The following LYST variants were observed in gnomAD, a reference collection of about 807,000 sequenced individuals.
LYST encodes the protein lysosomal-trafficking regulator.
A neutral mutation model predicts 413.6 loss-of-function variants in LYST; 192 were observed. The ratio of observed to expected loss-of-function variants is 0.46; its 90% CI spans 0.41 to 0.52. The LOEUF (loss-of-function observed/expected upper bound fraction) is 0.52, where lower values mean the gene tolerates loss of function less well. Among genes scored for constraint, LYST ranks in the 20% least tolerant of loss-of-function variants. The probability of loss-of-function intolerance (pLI) is 0.00; values close to 1 mark genes in which losing one functional copy is unlikely to be tolerated. For missense variants in LYST, 3,815 were observed against 4,499.9 expected (o/e 0.85, Z 4.35); for synonymous variants, 1,525 against 1,567.3 (o/e 0.97, Z 0.64).
chr1:235,823,379 C>T (rs1004372247), intron 3 of LYST, among the ~76,000 whole-genome samples: 1 of 152,146 alleles, frequency 6.6e-6, no homozygotes, highest in African/African-American at 2.4e-5. Context: ...TAAATTAATG[C>T]TCATTTATTA....
chr1:235,757,579 A>C, intron 23 of LYST, 121 bp from the exon 24 acceptor site: 1 of 751,150 alleles, frequency 1.3e-6, no homozygotes, highest in Admixed American at 2.1e-5. Flanking sequence ...ATAATGCTTA[A>C]GAAATGTTTC....
rs555525346 is a variant in LYST at position 235,880,490 on chromosome 1, C to T, written n.454+2697G>A. ...TAACAGTGACTAAACACATCTTTGC[C>T]ACACCTAATATGTACAGCAAACCAG... On this transcript the variant is annotated intron_variant and non_coding_transcript_variant, in intron 1 of 11. Coordinates refer to the LYST transcript ENST00000465349. Among the ~76,000 whole-genome samples, 3 of 152,298 alleles carry T rather than the reference C, an allele frequency of 2.0e-5. No individual in the cohort carries two copies. In the South Asian group the frequency reaches 6.2e-4, roughly 32 times the overall value.
chr1:235,860,440 T>C (rs921240586), intron 1 of LYST, among the ~76,000 whole-genome samples: 1 of 152,212 alleles, frequency 6.6e-6, no homozygotes, highest in African/African-American at 2.4e-5. Flanking sequence ...AACATGTAGC[T>C]ACCACTGTAG....
At chr1:235,704,398 C>G (rs1027457228) in intron 44 of LYST, among the ~76,000 whole-genome samples, 1 of 152,164 alleles carries the variant, frequency 6.6e-6, no homozygotes, top group African/African-American at 2.4e-5. Flanking sequence ...TCCCTTTTCT[C>G]CAGAACCTCG....
chr1:235,703,790 T>C (rs774819554), intron 44 of LYST, among the ~76,000 whole-genome samples: 1 of 152,198 alleles, frequency 6.6e-6, no homozygotes, highest in East Asian at 1.9e-4. Flanking sequence ...CAGCAGTACA[T>C]GTGCAGGTTT....
At chr1:235,851,944 A>C (rs1051002652) in intron 1 of LYST, among the ~76,000 whole-genome samples, 1 of 152,218 alleles carries the variant, frequency 6.6e-6, no homozygotes, top group Admixed American at 6.5e-5. Flanking sequence ...TCATGATCCC[A>C]TATTTATTGA....
At chr1:235,739,592 A>G (rs2103249672) in intron 31 of LYST, among the ~76,000 whole-genome samples, 1 of 148,808 alleles carries the variant, frequency 6.7e-6, no homozygotes, top group East Asian at 2.0e-4. Context: ...AAAACCCACA[A>G]TAAACCTTGA....
chr1:235,811,721 A>G (rs564290805), intron 4 of LYST, among the ~76,000 whole-genome samples: 1 of 152,320 alleles, frequency 6.6e-6, no homozygotes, highest in East Asian at 1.9e-4. Flanking sequence ...GTGCTTTACT[A>G]AGACAGGGAA....
In LYST at chr1:235,777,149, T is replaced by G. The variant is rs143696500; in HGVS notation, c.5374A>C (p.Asn1792His). 1.2e-6 allele frequency: 2 copies of G among 1,613,286 alleles called. No individual in the cohort carries two copies. Among genetic ancestry groups the G allele is most frequent in the Non-Finnish European group, 1.7e-6 (2 of 1,179,518 alleles). Residue 1792 changes from asparagine (N) to histidine (H), a missense_variant, in exon 17 of 53, where the codon AAT (asparagine) becomes CAT (histidine). By Grantham distance (68) the Asn-to-His change is moderately conservative. Transcript: ENST00000389793. Reference protein sequence around the residue: ...SILLEPHHLKNLQPTEYKTIQ... With the variant: ...SILLEPHHLKHLQPTEYKTIQ... ...GTTTTATATTCAGTAGGTTGGAGATTCTTTAGATGATGAGGTTCTAATAAG... is the reference window on the plus strand; with the variant it reads ...GTTTTATATTCAGTAGGTTGGAGATGCTTTAGATGATGAGGTTCTAATAAG...
intron 1 of LYST, among the ~76,000 whole-genome samples, chr1:235,836,938 G>C (rs745519712): frequency 3.9e-5 from 6 of 152,208 alleles, no homozygotes; most frequent in Non-Finnish European, 8.8e-5. Flanking sequence ...GAATCAATTT[G>C]GGAATCATCA....
chr1:235,670,797 G>T (rs1267245514), intron 50 of LYST, among the ~76,000 whole-genome samples: 1 of 152,146 alleles, frequency 6.6e-6, no homozygotes, highest in Non-Finnish European at 1.5e-5. Flanking sequence ...GTGGGGAGGG[G>T]GGTTAAGTCT....
In LYST at chr1:235,733,508, A is replaced by G; in HGVS notation, c.8796T>C (p.His2932=). The G allele has an allele frequency of 6.2e-7, 1 of 1,613,876 alleles. No homozygotes were observed. The change falls in exon 34 of 53, where the codon CAT becomes CAC. Residue 2932 remains histidine, a synonymous_variant. Transcript: ENST00000389793. ...HWQELIQQLT[H]DRAVWYDPIY... The stretch of plus-strand genomic sequence containing the variant: ...ACTGACCTCCCGCAGCTTACCTATC[A>G]TGTGTCAGCTGCTGAATAAGTTCCT...
At position 235,729,657 on chromosome 1, in the gene LYST, T is replaced by G; in HGVS notation, c.9045A>C (p.Arg3015Ser). 6.2e-7 allele frequency: 1 copy of G among 1,601,158 alleles called. No homozygotes were observed. Among genetic ancestry groups the G allele is most frequent in the Non-Finnish European group, 8.6e-7 (1 of 1,168,442 alleles). ...VKDKAASESIRVNRRCISVAP... is the reference protein window; with the variant it reads ...VKDKAASESISVNRRCISVAP... ...CAACACTGATGCATCTTCGATTCAC[T>G]CTGTCAAAACATATTTAAAATTACT... Residue 3015 changes from arginine (R) to serine (S), a missense_variant and splice_region_variant, in exon 37 of 53, where the codon AGA (arginine) becomes AGC (serine). By Grantham distance (110) the Arg-to-Ser change is moderately radical. Around this residue, in one of 4 missense-constraint regions of LYST, gnomAD observed 866 missense variants for 1,156.0 expected, o/e 0.75. Transcript: ENST00000389793.
intron 42 of LYST, chr1:235,712,401 A>G: frequency 2.1e-6 from 1 of 471,518 alleles, no homozygotes; most frequent in Non-Finnish European, 3.6e-6. Flanking sequence ...CATCTGTATT[A>G]TGCTTTTGTA....
chr1:235,861,929 C>T (rs1040062003), intron 1 of LYST, among the ~76,000 whole-genome samples: 3 of 152,174 alleles, frequency 2.0e-5, no homozygotes, highest in African/African-American at 7.2e-5. Flanking sequence ...TGAAACAAAA[C>T]AATTAGGCTA....
Position 235,782,091 on chromosome 1 carries a change from C to T in LYST, c.4863-4G>A, listed in dbSNP as rs201382097. 325 of 1,607,982 alleles carry T rather than the reference C, an allele frequency of 2.0e-4. 2 individuals carry two copies. In the East Asian group the frequency reaches 5.9e-3, roughly 29 times the overall value. ...ATCCAAAGTAACATCAGGCTTCCTA[C>T]ATTAAAAACAAAACAAAGTTAAAGC... On this transcript the variant is annotated splice_region_variant and splice_polypyrimidine_tract_variant and intron_variant, in intron 14 of 52. Transcript: ENST00000389793.
intron 3 of LYST, among the ~76,000 whole-genome samples, chr1:235,824,820 G>T (rs1034827851): frequency 6.6e-6 from 1 of 152,084 alleles, no homozygotes; most frequent in Non-Finnish European, 1.5e-5. Context: ...AGGAGTTCAA[G>T]ACCAGCCTGG....
rs1666468318 is a variant in LYST, at chr1:235,751,270, A to G, written c.7720T>C (p.Ser2574Pro). 1 of 1,613,682 alleles carries G rather than the reference A, an allele frequency of 6.2e-7. No individual in the cohort carries two copies. The highest frequency in any genetic ancestry group is 1.7e-5 in the Admixed American group (1 of 59,972). ...ANHDSENLTD[S>P]LQSPSAPHHA... is the part of the protein sequence containing the mutation. ...TGGGGAGCAGAAGGTGACTGGAGTG[A>G]ATCTGTGAGGTTTTCAGAGTCATGA... The change falls in exon 28 of 53, where the codon TCA (serine) becomes CCA (proline). Residue 2574 changes from serine to proline, a missense_variant. By Grantham distance (74) the Ser-to-Pro change is moderately conservative (BLOSUM62 -1). Coordinates refer to ENST00000389793, the MANE Select transcript of LYST (RefSeq NM_000081.4).
At chr1:235,722,806 G>A (rs964061493) in intron 39 of LYST, among the ~76,000 whole-genome samples, 2 of 152,104 alleles carry the variant, frequency 1.3e-5, no homozygotes, top group African/African-American at 4.8e-5. Context: ...AAACTACTTC[G>A]TTTCAGTCAT....
Sources: gnomAD v4.1 joint callset for allele counts (sites outside exome capture counted in the v4.1 genomes callset) on GRCh38, gnomAD v4.1.1 for gene constraint, gnomAD v4.1.1 regional missense constraint, MANE v1.5 for transcripts, NCBI Gene and HGNC (gene_info 2026-07-23, HGNC 2026-07-21) for gene names.